USP15: variants seen among roughly 807,000 people sequenced by gnomAD.
USP15 encodes the protein ubiquitin carboxyl-terminal hydrolase 15.
USP15 carries 18 observed loss-of-function variants against 127.1 expected under a neutral mutation model. The observed-to-expected ratio is 0.14, with a 90% CI of 0.10 to 0.21. The LOEUF is 0.21. Among genes scored for constraint, USP15 ranks in the 10% least tolerant of loss-of-function variants. The probability of loss-of-function intolerance (pLI) is 1.00; values close to 1 mark genes in which losing one functional copy is unlikely to be tolerated. For missense variants in USP15, 805 were observed against 1,159.9 expected, an observed-to-expected ratio of 0.69 and a Z score of 4.44; for synonymous variants, 364 against 393.7, an observed-to-expected ratio of 0.92 and a Z score of 0.89.
chr12:62,398,024 T>C (rs1241213981), intron 20 of USP15, among the ~76,000 whole-genome samples: 1 of 151,416 alleles, frequency 6.6e-6, no homozygotes, highest in Non-Finnish European at 1.5e-5. Flanking sequence ...ACTGGCTCTC[T>C]CTCTGTCACC....
Position 62,386,723 on chromosome 12 carries a change from T to A in USP15, c.1473+2421T>A, listed in dbSNP as rs115877623. Among the ~76,000 whole-genome samples, 588 of 152,236 alleles carry A rather than the reference T, an allele frequency of 3.9e-3. 6 individuals are homozygous for A. The highest frequency in any genetic ancestry group is 0.014 in the African/African-American group (573 of 41,568). ...GCCAGTATAGGAAGTTTGAACTTCA[T>A]CCTAAAAACTAGGGAAGCCATTAAA... On this transcript the variant is annotated intron_variant, in intron 11 of 21. Coordinates refer to ENST00000280377, the MANE Select transcript of USP15 (RefSeq NM_001252078.2).
rs1039851697 is a variant in USP15, at chr12:62,391,290, T to C, written c.2094T>C (p.Asp698=). 3.1e-6 allele frequency: 5 copies of C among 1,613,554 alleles called. No individual in the cohort carries two copies. The highest frequency in any genetic ancestry group is 4.2e-6 in the Non-Finnish European group (5 of 1,179,730). Reference sequence around the variant, plus strand: ...CTGAAAATGGATTATGTACTGAGGATACTTGCAAAGGTCAACTCACGGGAC... The same window carrying C: ...CTGAAAATGGATTATGTACTGAGGACACTTGCAAAGGTCAACTCACGGGAC... ...NDSENGLCTE[D]TCKGQLTGHK... Residue 698 remains aspartate, a synonymous_variant, in exon 16 of 22, where the codon GAT becomes GAC. Coordinates refer to ENST00000280377, the MANE Select transcript of USP15 (RefSeq NM_001252078.2).
intron 2 of USP15, among the ~76,000 whole-genome samples, chr12:62,302,412 T>C (rs1347385455): frequency 1.3e-5 from 2 of 152,326 alleles, no homozygotes; most frequent in Non-Finnish European, 2.9e-5. Flanking sequence ...TTTTGATTTA[T>C]GGTACAAACT....
At chr12:62,403,412 A>C (rs542644267) in intron 21 of USP15, among the ~76,000 whole-genome samples, 1 of 152,240 alleles carries the variant, frequency 6.6e-6, no homozygotes, top group East Asian at 1.9e-4. Flanking sequence ...GTTGATAGGA[A>C]AAGAAATAGT....
chr12:62,276,112 G>A (rs1019559572), intron 1 of USP15, among the ~76,000 whole-genome samples: 1 of 152,084 alleles, frequency 6.6e-6, no homozygotes, highest in African/African-American at 2.4e-5. Flanking sequence ...GACCAGGTAT[G>A]AGGCACCCTC....
intron 6 of USP15, among the ~76,000 whole-genome samples, chr12:62,328,060 A>G (rs963234451): frequency 6.6e-6 from 1 of 152,198 alleles, no homozygotes; most frequent in Admixed American, 6.5e-5. Flanking sequence ...GTCTATAGCA[A>G]AAGTTACATT....
At chr12:62,369,428 C>T (rs867878068) in intron 8 of USP15, among the ~76,000 whole-genome samples, 1 of 151,514 alleles carries the variant, frequency 6.6e-6, no homozygotes, top group South Asian at 2.1e-4. Context: ...TTCACACACT[C>T]AATAAAAACA....
At chr12:62,369,106 C>T (rs1329566896) in intron 8 of USP15, among the ~76,000 whole-genome samples, 6 of 152,018 alleles carry the variant, frequency 3.9e-5, no homozygotes, top group Non-Finnish European at 7.4e-5. Context: ...ATGAGGTAGA[C>T]ATATAAATAA....
Position 62,333,000 on chromosome 12 carries a change from A to AT in USP15, c.683+7075dup, listed in dbSNP as rs1218829078. On this transcript the variant is annotated intron_variant, in intron 6 of 21. Coordinates refer to ENST00000280377, the MANE Select transcript of USP15 (RefSeq NM_001252078.2). ...GGTGATTCTGCAATATTCTGTTTTT[A>AT]TTTTTTTTACACTATCTTAAACGTC... is the stretch of plus-strand genomic sequence containing the variant. Among the ~76,000 whole-genome samples, 4 of 152,112 alleles carry AT rather than the reference A, an allele frequency of 2.6e-5. No homozygotes were observed. The East Asian group carries it at 5.8e-4, about 22-fold the overall frequency.
chr12:62,375,253 G>A (rs1363399362), intron 8 of USP15, among the ~76,000 whole-genome samples: 2 of 151,978 alleles, frequency 1.3e-5, no homozygotes, highest in African/African-American at 2.4e-5. Context: ...AAATCATAAG[G>A]GTTATTTTCC....
chr12:62,375,220 A>T (rs1312747082), intron 8 of USP15, among the ~76,000 whole-genome samples: 1 of 152,008 alleles, frequency 6.6e-6, no homozygotes, highest in Non-Finnish European at 1.5e-5. Context: ...TTCCTTACGG[A>T]TTTATCTTGA....
rs1030563676 is a variant in USP15 at position 62,415,501 on chromosome 12, G to C, written c.*11126G>C. The stretch of plus-strand genomic sequence containing the variant: ...CCATCACATCCCTTCATGTAGAAAA[G>C]AGTGGTTTGGACCATAGGCTCAGGA... On this transcript the variant is annotated 3_prime_UTR_variant, in exon 22 of 22. Transcript: ENST00000280377. 6.6e-6 allele frequency: 1 copy of C among 152,170 alleles called. No homozygotes were observed. The highest frequency in any genetic ancestry group is 2.4e-5 in the African/African-American group (1 of 41,442). 9.4% of individuals were successfully genotyped at this position (152,170 alleles called of 1,614,324 possible). A position where few individuals can be genotyped will look rare whatever the true frequency, so the allele number is the denominator to read the frequency against.
intron 20 of USP15, among the ~76,000 whole-genome samples, chr12:62,397,697 A>C (rs1169245974): frequency 1.3e-5 from 2 of 151,844 alleles, no homozygotes. Context: ...TCTGTACTAA[A>C]AATACAAAAA....
intron 3 of USP15, among the ~76,000 whole-genome samples, chr12:62,307,772 C>G (rs181237953): frequency 6.6e-6 from 1 of 152,254 alleles, no homozygotes; most frequent in Non-Finnish European, 1.5e-5. Context: ...TCTTGGTTAT[C>G]AATCTACTGT....
intron 6 of USP15, among the ~76,000 whole-genome samples, chr12:62,342,242 T>A (rs900683295): frequency 2.0e-5 from 3 of 152,104 alleles, no homozygotes; most frequent in African/African-American, 7.2e-5. Context: ...TTTCTCGTGC[T>A]ATGTTTTTCA....
Position 62,397,784 on chromosome 12 carries a change from G to A in USP15, c.2674+1386G>A, listed in dbSNP as rs544031496. Among the ~76,000 whole-genome samples the A allele has an allele frequency of 4.0e-5, 6 of 150,490 alleles. No individual in the cohort carries two copies. In the East Asian group the frequency reaches 1.2e-3, roughly 30 times the overall value. On this transcript the variant is annotated intron_variant, in intron 20 of 21. Coordinates refer to ENST00000280377, the MANE Select transcript of USP15 (RefSeq NM_001252078.2). ...AGGTAGGAGAATCACTTGAACCAGG[G>A]AGCCGGAGGTTGCAGAGAGCCCAGA... is the stretch of plus-strand genomic sequence containing the variant.
chr12:62,385,701 T>G (rs989882331), intron 11 of USP15, among the ~76,000 whole-genome samples: 2 of 151,992 alleles, frequency 1.3e-5, no homozygotes, highest in Non-Finnish European at 2.9e-5. Context: ...CTTTAGATAT[T>G]CACTTATTCA....
At chr12:62,381,793 A>AATAG (rs2066997982) in intron 9 of USP15, 130 bp downstream of exon 9, 1 of 760,644 alleles carries the variant, frequency 1.3e-6, no homozygotes, top group Admixed American at 3.0e-5. Context: ...ACAGTACATA[A>AATAG]ATAGATATAC....
At chr12:62,310,063 A>C (rs1453710573) in intron 3 of USP15, among the ~76,000 whole-genome samples, 2 of 151,966 alleles carry the variant, frequency 1.3e-5, no homozygotes, top group Non-Finnish European at 2.9e-5. Context: ...AAAATTCCAA[A>C]AATATGTACT....
Sources: allele counts gnomAD v4.1 joint callset (sites outside exome capture counted in the v4.1 genomes callset), GRCh38; gene constraint gnomAD v4.1.1; transcripts MANE v1.5; gene names NCBI Gene and HGNC (gene_info 2026-07-23, HGNC 2026-07-21).